The following MTMR14 variants were observed in gnomAD, a reference collection of about 807,000 sequenced individuals.
The protein encoded by MTMR14 is phosphatidylinositol-3,5-bisphosphate 3-phosphatase MTMR14.
A neutral mutation model predicts 86.3 loss-of-function variants in MTMR14; 48 were observed. The ratio of observed to expected loss-of-function variants is 0.56; its 90% CI spans 0.44 to 0.71. MTMR14 has a LOEUF of 0.71. Ranked by LOEUF, MTMR14 falls within the 30% of genes least tolerant of loss-of-function variation. MTMR14 has a pLI of 0.00. For missense variants in MTMR14, 780 were observed against 834.6 expected, an observed-to-expected ratio of 0.93 and a Z score of 0.81; for synonymous variants, 366 against 326.1, an observed-to-expected ratio of 1.12 and a Z score of -1.32.
At chr3:9,695,630 A>G (rs6777524) in intron 17 of MTMR14, among the ~76,000 whole-genome samples, 2,363 of 152,296 alleles carry the variant, frequency 0.016, 48 homozygotes, top group African/African-American at 0.052. Flanking sequence ...TTCCCTTGCC[A>G]GTGTTACTCT....
intron 3 of MTMR14, among the ~76,000 whole-genome samples, chr3:9,664,031 C>T (rs916181900): frequency 1.1e-4 from 16 of 151,412 alleles, no homozygotes; most frequent in African/African-American, 2.7e-4. Flanking sequence ...TCAGGTAATC[C>T]GCCCGCCTCA....
intron 17 of MTMR14, among the ~76,000 whole-genome samples, chr3:9,693,689 G>A (rs1355537046): frequency 1.3e-5 from 2 of 152,292 alleles, no homozygotes; most frequent in East Asian, 3.9e-4. Flanking sequence ...GCAGAGGCAG[G>A]AGATAATCTG....
At chr3:9,675,093 A>G (rs111820664) in intron 7 of MTMR14, among the ~76,000 whole-genome samples, 2,777 of 152,366 alleles carry the variant, frequency 0.018, 78 homozygotes, top group African/African-American at 0.063. Context: ...TCTGGGCAAC[A>G]AGAGGGAAAC....
intron 17 of MTMR14, among the ~76,000 whole-genome samples, chr3:9,691,260 C>A (rs943778679): frequency 6.6e-6 from 1 of 152,192 alleles, no homozygotes; most frequent in African/African-American, 2.4e-5. Context: ...CACCGCCACA[C>A]GCCGTCTGGC....
At position 9,667,211 on chromosome 3, in the gene MTMR14, G is replaced by A. The variant is rs143499933; in HGVS notation, c.418-1508G>A. Reference sequence around the variant, plus strand: ...GCCAGCAGCTTAGATGAAGCGGGGAGAGTGGATATGATACAAATGCCAGTG... The same window carrying A: ...GCCAGCAGCTTAGATGAAGCGGGGAAAGTGGATATGATACAAATGCCAGTG... On this transcript the variant is annotated intron_variant, in intron 3 of 18. Transcript: ENST00000296003. Among the ~76,000 whole-genome samples, 308 of 152,358 alleles carry A rather than the reference G, an allele frequency of 2.0e-3. 3 individuals carry two copies. Among genetic ancestry groups the A allele is most frequent in the African/African-American group, 6.8e-3 (283 of 41,592 alleles).
chr3:9,653,874 G>A, intron 2 of MTMR14, 105 bp downstream of exon 2: 6 of 1,467,924 alleles, frequency 4.1e-6, no homozygotes, highest in African/African-American at 1.4e-5. Flanking sequence ...CTTTCCCCAG[G>A]TGTTAATCCT....
intron 3 of MTMR14, 123 bp from the exon 4 acceptor site, chr3:9,668,596 C>G (rs1373266271): frequency 6.4e-6 from 6 of 937,306 alleles, no homozygotes; most frequent in Non-Finnish European, 1.0e-5. Flanking sequence ...GCTGATAAAA[C>G]TTTGGGGAGT....
rs1038608392 is a variant in MTMR14, at chr3:9,696,897, G to A, written c.1614-814G>A. On this transcript the variant is annotated intron_variant, in intron 17 of 18. Transcript: ENST00000296003. ...AGCAGGTGGAAGGGCCTTGTTTGATGTCTCCCTATTGCCTCCCCGACCCAC... is the reference window on the plus strand; with the variant it reads ...AGCAGGTGGAAGGGCCTTGTTTGATATCTCCCTATTGCCTCCCCGACCCAC... Among the ~76,000 whole-genome samples, 12 of 152,272 alleles carry A rather than the reference G, an allele frequency of 7.9e-5. No homozygotes were observed. In the South Asian group the frequency reaches 1.5e-3, roughly 18 times the overall value.
intron 2 of MTMR14, chr3:9,659,632 C>T (rs1221876175): frequency 3.1e-5 from 14 of 449,746 alleles, no homozygotes; most frequent in South Asian, 1.1e-4. Context: ...TTAGTATAGA[C>T]GGGGTTTCAC....
intron 17 of MTMR14, among the ~76,000 whole-genome samples, chr3:9,691,260 C>T (rs943778679): frequency 9.2e-5 from 14 of 152,192 alleles, no homozygotes; most frequent in African/African-American, 2.9e-4. Context: ...CACCGCCACA[C>T]GCCGTCTGGC....
intron 2 of MTMR14, among the ~76,000 whole-genome samples, chr3:9,658,760 A>G (rs1223381956): frequency 6.6e-6 from 1 of 152,254 alleles, no homozygotes; most frequent in Admixed American, 6.5e-5. Flanking sequence ...TCTATTAAAT[A>G]GTAGCAGCAG....
chr3:9,685,887 T>G (rs2075930206), intron 13 of MTMR14, among the ~76,000 whole-genome samples: 1 of 152,156 alleles, frequency 6.6e-6, no homozygotes, highest in Non-Finnish European at 1.5e-5. Flanking sequence ...GTGTGTTCCC[T>G]AGTTGGCCCC....
chr3:9,684,241 C>A (rs933463448), intron 10 of MTMR14, among the ~76,000 whole-genome samples: 6 of 152,124 alleles, frequency 3.9e-5, no homozygotes, highest in Non-Finnish European at 7.4e-5. Context: ...TTGCCCACTC[C>A]CGCTACCCCC....
Position 9,697,837 on chromosome 3 carries a change from C to G in MTMR14, c.1740C>G (p.Ser580Arg). ...VLHTDSSLPFSFPDELPNSCL... is the reference protein window; with the variant it reads ...VLHTDSSLPFRFPDELPNSCL... ...ACACAGACTCCTCTCTCCCTTTCAG[C>G]TTCCCGGATGAGCTCCCTAACAGTT... Residue 580 changes from serine to arginine, a missense_variant, in exon 18 of 19, where the codon AGC (serine) becomes AGG (arginine). Coordinates refer to ENST00000296003, the MANE Select transcript of MTMR14 (RefSeq NM_001077525.3). 6.2e-7 allele frequency: 1 copy of G among 1,614,232 alleles called. No individual in the cohort carries two copies. Among genetic ancestry groups the G allele is most frequent in the Non-Finnish European group, 8.5e-7 (1 of 1,180,046 alleles).
chr3:9,692,754 T>G (rs2076173749), intron 17 of MTMR14, among the ~76,000 whole-genome samples: 1 of 152,200 alleles, frequency 6.6e-6, no homozygotes, highest in African/African-American at 2.4e-5. Flanking sequence ...CCTGGTTGAA[T>G]AGCTGAGTAG....
chr3:9,659,691 C>T, intron 2 of MTMR14: 1 of 455,200 alleles, frequency 2.2e-6, no homozygotes, highest in Non-Finnish European at 4.4e-6. Context: ...TGATCTGCCG[C>T]CTGAGCCTCC....
At chr3:9,661,126 C>G (rs955979689) in intron 2 of MTMR14, among the ~76,000 whole-genome samples, 13 of 152,198 alleles carry the variant, frequency 8.5e-5, no homozygotes, top group African/African-American at 3.1e-4. Context: ...CTCCTTTGCT[C>G]TGTGCGCTGT....
chr3:9,671,146 A>C lies in MTMR14; in HGVS notation c.653A>C (p.Asn218Thr). The part of the protein sequence containing the change: ...VKYICDLMVE[N>T]KKVKFGMNVT... ...TACATCTGTGACCTGATGGTGGAGA[A>C]CAAGAAGGTGAAGTTTGGCATGAAG... The change falls in exon 6 of 19, where the codon AAC becomes ACC. Residue 218 changes from asparagine to threonine, a missense_variant. Transcript: ENST00000296003. 1 of 1,614,226 alleles carries C rather than the reference A, an allele frequency of 6.2e-7. No individual in the cohort carries two copies. The highest frequency in any genetic ancestry group is 8.5e-7 in the Non-Finnish European group (1 of 1,180,028).
chr3:9,671,986 G>C (rs1225307284), intron 6 of MTMR14, among the ~76,000 whole-genome samples: 1 of 152,136 alleles, frequency 6.6e-6, no homozygotes, highest in Admixed American at 6.5e-5. Flanking sequence ...TTTATTTTCA[G>C]ATGCTGTTTG....
Sources: allele counts gnomAD v4.1 joint callset (sites outside exome capture counted in the v4.1 genomes callset), GRCh38; gene constraint gnomAD v4.1.1; transcripts MANE v1.5; gene names NCBI Gene and HGNC (gene_info 2026-07-23, HGNC 2026-07-21).